The following GPR158 variants were observed in gnomAD, a reference collection of about 807,000 sequenced individuals.
GPR158 encodes the protein G protein-coupled receptor 158, also known as metabotropic glycine receptor.
Under a neutral mutation model 78.2 loss-of-function variants are expected in GPR158, and 30 were observed. The observed-to-expected ratio is 0.38, with a 90% CI of 0.29 to 0.52. The LOEUF is 0.52. GPR158 is among the 20% of genes least tolerant of loss of function. The pLI is 0.83. For missense variants in GPR158, 1,463 were observed against 1,523.5 expected (o/e 0.96, Z 0.66); for synonymous variants, 581 against 591.1 (o/e 0.98, Z 0.25).
At chr10:25,241,338 T>C (rs552838907) in intron 2 of GPR158, among the ~76,000 whole-genome samples, 16 of 110,888 alleles carry the variant, frequency 1.4e-4, no homozygotes, top group African/African-American at 4.8e-4. Flanking sequence ...TCTCTTCTCT[T>C]TTCTCTTTTC....
At chr10:25,414,538 G>A (rs906859063) in intron 4 of GPR158, among the ~76,000 whole-genome samples, 1 of 152,088 alleles carries the variant, frequency 6.6e-6, no homozygotes. Flanking sequence ...GTATGCTAAT[G>A]AAAAGAAATG....
intron 2 of GPR158, among the ~76,000 whole-genome samples, chr10:25,290,587 C>A (rs2130763910): frequency 6.6e-6 from 1 of 152,128 alleles, no homozygotes; most frequent in African/African-American, 2.4e-5. Flanking sequence ...GATCAATATT[C>A]AAGGTAATGA....
intron 2 of GPR158, among the ~76,000 whole-genome samples, chr10:25,361,177 T>C (rs562088780): frequency 1.4e-4 from 21 of 152,130 alleles, no homozygotes; most frequent in Admixed American, 3.9e-4. Flanking sequence ...ATAAATAGAA[T>C]CATATGGTAT....
chr10:25,325,407 A>G (rs892464941), intron 2 of GPR158, among the ~76,000 whole-genome samples: 12 of 152,036 alleles, frequency 7.9e-5, no homozygotes, highest in African/African-American at 2.9e-4. Flanking sequence ...GCTGAATAGT[A>G]TTCATGTATA....
intron 2 of GPR158, among the ~76,000 whole-genome samples, chr10:25,329,371 C>T (rs530141469): frequency 1.3e-4 from 20 of 150,936 alleles, no homozygotes; most frequent in Non-Finnish European, 2.2e-4. Context: ...ACCCCGGGGG[C>T]GGAGCTTGCA....
At chr10:25,397,257 T>G (rs1054720382) in intron 3 of GPR158, among the ~76,000 whole-genome samples, 1 of 152,210 alleles carries the variant, frequency 6.6e-6, no homozygotes, top group African/African-American at 2.4e-5. Context: ...AAAATGTCAG[T>G]GTTACAATTC....
intron 4 of GPR158, among the ~76,000 whole-genome samples, chr10:25,448,079 A>ACTT (rs1322640285): frequency 7.7e-6 from 1 of 129,520 alleles, no homozygotes; most frequent in African/African-American, 3.2e-5. Context: ...TTTGTGTCTG[A>ACTT]CTTCTTTTTT....
intron 2 of GPR158, among the ~76,000 whole-genome samples, chr10:25,291,069 C>T (rs1854428697): frequency 6.6e-6 from 1 of 151,954 alleles, no homozygotes; most frequent in Non-Finnish European, 1.5e-5. Context: ...TACTTGCAGT[C>T]ATAATACGCA....
intron 2 of GPR158, among the ~76,000 whole-genome samples, chr10:25,335,290 C>G (rs865855437): frequency 6.6e-6 from 1 of 152,020 alleles, no homozygotes; most frequent in East Asian, 1.9e-4. Flanking sequence ...TGCATTCTTG[C>G]TATTAATATT....
chr10:25,316,833 T>C (rs946157556), intron 2 of GPR158, among the ~76,000 whole-genome samples: 4 of 151,868 alleles, frequency 2.6e-5, no homozygotes, highest in African/African-American at 7.3e-5. Flanking sequence ...TGGATTAAGG[T>C]CATTTAATTC....
At chr10:25,445,194 G>A (rs1401062101) in intron 4 of GPR158, among the ~76,000 whole-genome samples, 1 of 152,188 alleles carries the variant, frequency 6.6e-6, no homozygotes, top group Admixed American at 6.5e-5. Flanking sequence ...TACAGAGGAA[G>A]TAACGCTTGA....
At chr10:25,384,695 ATTTCTGT>A (rs1834199675) in intron 2 of GPR158, among the ~76,000 whole-genome samples, 1 of 47,622 alleles carries the variant, frequency 2.1e-5, no homozygotes, top group Non-Finnish European at 6.2e-5. Flanking sequence ...CACAAGTATT[ATTTCTGT>A]TAAAACAAGT....
intron 5 of GPR158, among the ~76,000 whole-genome samples, chr10:25,540,589 A>G (rs1457936569): frequency 6.6e-6 from 1 of 152,162 alleles, no homozygotes; most frequent in African/African-American, 2.4e-5. Context: ...TGGCACATAT[A>G]CACCATGGAA....
intron 4 of GPR158, among the ~76,000 whole-genome samples, chr10:25,436,352 G>A (rs1834997061): frequency 6.6e-6 from 1 of 152,192 alleles, no homozygotes; most frequent in Non-Finnish European, 1.5e-5. Context: ...ATTTGAGCTG[G>A]AAACTTAGTA....
intron 2 of GPR158, among the ~76,000 whole-genome samples, chr10:25,238,904 T>G (rs1853566758): frequency 6.6e-6 from 1 of 152,244 alleles, no homozygotes; most frequent in Non-Finnish European, 1.5e-5. Context: ...CCATGAATAC[T>G]GAGGACATGT....
intron 1 of GPR158, among the ~76,000 whole-genome samples, chr10:25,216,477 G>A (rs1456694920): frequency 1.3e-5 from 2 of 151,840 alleles, no homozygotes; most frequent in Non-Finnish European, 2.9e-5. Context: ...TTTTGGGGGT[G>A]GGGGGAATGT....
chr10:25,302,336 G>C (rs1854611455), intron 2 of GPR158, among the ~76,000 whole-genome samples: 1 of 151,206 alleles, frequency 6.6e-6, no homozygotes, highest in African/African-American at 2.4e-5. Context: ...CGCCGGCCTT[G>C]GCTTCCCAAA....
intron 1 of GPR158, among the ~76,000 whole-genome samples, chr10:25,213,992 T>G (rs1853170551): frequency 6.6e-6 from 1 of 152,148 alleles, no homozygotes; most frequent in Non-Finnish European, 1.5e-5. Flanking sequence ...GTCTCCCTTA[T>G]TATTACCATG....
intron 5 of GPR158, among the ~76,000 whole-genome samples, chr10:25,490,441 C>A (rs1486570989): frequency 1.5e-5 from 1 of 68,034 alleles, no homozygotes; most frequent in Non-Finnish European, 2.8e-5. Context: ...ATCCCTCCCC[C>A]CTCCCCCCAC....
Sources: allele counts gnomAD v4.1 joint callset (sites outside exome capture counted in the v4.1 genomes callset), GRCh38; gene constraint gnomAD v4.1.1; transcripts MANE v1.5; gene names NCBI Gene and HGNC (gene_info 2026-07-23, HGNC 2026-07-21).